PRUNE2: variants seen among roughly 807,000 people sequenced by gnomAD.
The protein encoded by PRUNE2 is prune homolog 2 with BCH domain.
In PRUNE2, 164 loss-of-function variants were observed where a neutral mutation model predicts 252.0. The observed-to-expected ratio is 0.65, with a 90% CI of 0.57 to 0.74. The LOEUF (loss-of-function observed/expected upper bound fraction) is 0.74. Among genes scored for constraint, PRUNE2 ranks in the 30% least tolerant of loss-of-function variants. The probability of loss-of-function intolerance (pLI) is 0.00; values close to 1 mark genes in which losing one functional copy is unlikely to be tolerated. For missense variants in PRUNE2, 3,495 were observed against 3,711.0 expected (o/e 0.94, Z 1.51); for synonymous variants, 1,292 against 1,350.2 (o/e 0.96, Z 0.94).
intron 14 of PRUNE2, 69 bp downstream of exon 14, chr9:76,637,349 T>A: frequency 7.0e-7 from 1 of 1,434,666 alleles, no homozygotes; most frequent in Non-Finnish European, 9.7e-7. Flanking sequence ...AATAACAGTA[T>A]ACCATGTGGT....
At chr9:76,631,837 A>T (rs1165909586) in intron 15 of PRUNE2, among the ~76,000 whole-genome samples, 1 of 152,172 alleles carries the variant, frequency 6.6e-6, no homozygotes, top group Non-Finnish European at 1.5e-5. Flanking sequence ...TCCACCCTCT[A>T]GTAGTCCCTG....
Position 76,703,675 on chromosome 9 carries a change from C to G in PRUNE2, c.7938G>C (p.Leu2646=). The G allele has an allele frequency of 6.2e-7, 1 of 1,613,088 alleles. No individual in the cohort carries two copies. The highest frequency in any genetic ancestry group is 8.5e-7 in the Non-Finnish European group (1 of 1,179,852). ...LGHSEVGDPS[L]DARDSGPGWS... ...ACCCAGGCCCTGAGTCCCTGGCATC[C>G]AGTGATGGATCACCAACCTCACTAT... The change falls in exon 9 of 19, where the codon CTG becomes CTC. Residue 2646 remains leucine (L), a synonymous_variant. Coordinates refer to ENST00000376718, the MANE Select transcript of PRUNE2 (RefSeq NM_015225.3).
Position 76,709,780 on chromosome 9 carries a change from T to C in PRUNE2, c.2494A>G (p.Asn832Asp). ...SSKTPSVRDPNEWAMAKSGFA... is the reference protein window; with the variant it reads ...SSKTPSVRDPDEWAMAKSGFA... Reference sequence around the variant, plus strand: ...CCACTTTTTGCCATGGCCCACTCATTCGGGTCCCTAACAGAAGGTGTCTTG... The same window carrying C: ...CCACTTTTTGCCATGGCCCACTCATCCGGGTCCCTAACAGAAGGTGTCTTG... The change falls in exon 8 of 19, where the codon AAT becomes GAT. Residue 832 changes from asparagine to aspartate, a missense_variant. Coordinates refer to ENST00000376718, the MANE Select transcript of PRUNE2 (RefSeq NM_015225.3). 2 of 1,613,984 alleles carry C rather than the reference T, an allele frequency of 1.2e-6. No homozygotes were observed. The highest frequency in any genetic ancestry group is 1.7e-6 in the Non-Finnish European group (2 of 1,179,874).
At chr9:76,634,855 T>C (rs1839293957) in intron 15 of PRUNE2, among the ~76,000 whole-genome samples, 1 of 152,250 alleles carries the variant, frequency 6.6e-6, no homozygotes, top group African/African-American at 2.4e-5. Flanking sequence ...TGTTTACCTT[T>C]CTACCCATTA....
chr9:76,681,646 C>T (rs947057770), intron 9 of PRUNE2, among the ~76,000 whole-genome samples: 2 of 152,138 alleles, frequency 1.3e-5, no homozygotes, highest in African/African-American at 2.4e-5. Flanking sequence ...TGTCCTGGGA[C>T]AGCTGATGCT....
At chr9:76,893,561 G>C (rs2062623155) in intron 1 of PRUNE2, among the ~76,000 whole-genome samples, 1 of 152,202 alleles carries the variant, frequency 6.6e-6, no homozygotes, top group Non-Finnish European at 1.5e-5. Flanking sequence ...CAGTGTTTAT[G>C]AGATTCATCA....
At chr9:76,733,973 T>A (rs2048860836) in intron 6 of PRUNE2, among the ~76,000 whole-genome samples, 2 of 152,040 alleles carry the variant, frequency 1.3e-5, no homozygotes, top group East Asian at 3.9e-4. Context: ...ATTTCAGTAA[T>A]CCTGTAGCCA....
At chr9:76,838,441 T>C (rs1157495639) in intron 4 of PRUNE2, among the ~76,000 whole-genome samples, 3 of 151,742 alleles carry the variant, frequency 2.0e-5, no homozygotes, top group Non-Finnish European at 4.4e-5. Context: ...GGCCAGGAGT[T>C]CAAGACCAGC....
At chr9:76,865,890 A>G (rs1348945395) in intron 1 of PRUNE2, among the ~76,000 whole-genome samples, 1 of 151,864 alleles carries the variant, frequency 6.6e-6, no homozygotes, top group African/African-American at 2.4e-5. Flanking sequence ...TTCATGATCT[A>G]AAGTTCCAAA....
At chr9:76,837,261 G>A (rs2059044153) in intron 4 of PRUNE2, among the ~76,000 whole-genome samples, 1 of 151,998 alleles carries the variant, frequency 6.6e-6, no homozygotes, top group Non-Finnish European at 1.5e-5. Flanking sequence ...GGCCAACATG[G>A]TGAAACCCCG....
intron 1 of PRUNE2, among the ~76,000 whole-genome samples, chr9:76,864,168 C>T (rs1186927659): frequency 1.3e-5 from 2 of 152,134 alleles, no homozygotes; most frequent in South Asian, 2.1e-4. Context: ...GGATGGAGGA[C>T]ATTATCCTAA....
intron 15 of PRUNE2, among the ~76,000 whole-genome samples, chr9:76,630,071 C>A (rs370869582): frequency 1.3e-5 from 2 of 152,070 alleles, no homozygotes; most frequent in African/African-American, 2.4e-5. Context: ...ATATATTGTG[C>A]GGCCTCCCGG....
intron 6 of PRUNE2, among the ~76,000 whole-genome samples, chr9:76,754,255 T>G (rs2050901099): frequency 6.6e-6 from 1 of 152,136 alleles, no homozygotes; most frequent in South Asian, 2.1e-4. Context: ...CAGAACCTGC[T>G]AATTTGTGGG....
Position 76,708,906 on chromosome 9 carries a change from GTATCC to G in PRUNE2, c.3363_3367del (p.Glu1121AspfsTer13). On this transcript the variant is annotated frameshift_variant, in exon 8 of 19. Transcript: ENST00000376718. LOFTEE classifies it high-confidence loss of function. ...ATCTGAGATCGTTGCAGTGGACTGA[GTATCC>G]TCCAAAATCACTCTGTTCCACAAGT... 6.2e-7 allele frequency: 1 copy of G among 1,613,992 alleles called. No individual in the cohort carries two copies. Among genetic ancestry groups the G allele is most frequent in the Non-Finnish European group, 8.5e-7 (1 of 1,179,894 alleles).
intron 6 of PRUNE2, among the ~76,000 whole-genome samples, chr9:76,780,712 CAAACAA>C (rs1173300332): frequency 1.3e-5 from 2 of 152,032 alleles, no homozygotes; most frequent in African/African-American, 2.4e-5. Context: ...AACAAACAAA[CAAACAA>C]AAACAAGCAG....
intron 1 of PRUNE2, among the ~76,000 whole-genome samples, chr9:76,868,415 C>T (rs1321817155): frequency 6.6e-6 from 1 of 152,214 alleles, no homozygotes; most frequent in Non-Finnish European, 1.5e-5. Flanking sequence ...CAGGTGTCCA[C>T]ACATACACTC....
chr9:76,853,111 C>G (rs571446799), intron 2 of PRUNE2, among the ~76,000 whole-genome samples: 2 of 152,304 alleles, frequency 1.3e-5, no homozygotes, highest in East Asian at 3.9e-4. Flanking sequence ...ACCAATTAAT[C>G]TCCCTTGTAA....
intron 9 of PRUNE2, among the ~76,000 whole-genome samples, chr9:76,689,548 G>T (rs1160351170): frequency 6.6e-6 from 1 of 151,578 alleles, no homozygotes; most frequent in African/African-American, 2.4e-5. Context: ...TAGAGACAGG[G>T]TCTCTATAGA....
At chr9:76,830,665 G>GAA (rs1268823852) in intron 4 of PRUNE2, among the ~76,000 whole-genome samples, 1 of 88,530 alleles carries the variant, frequency 1.1e-5, no homozygotes. Flanking sequence ...AACAAAAAAA[G>GAA]AAAAAAAAAA....
Sources: gnomAD v4.1 joint callset for allele counts (sites outside exome capture counted in the v4.1 genomes callset) on GRCh38, gnomAD v4.1.1 for gene constraint, MANE v1.5 for transcripts, NCBI Gene and HGNC (gene_info 2026-07-23, HGNC 2026-07-21) for gene names.